Variants in LPIN2 observed in about 807,000 individuals in gnomAD.
The protein encoded by LPIN2 is phosphatidate phosphatase LPIN2.
Under a neutral mutation model 111.4 loss-of-function variants are expected in LPIN2, and 55 were observed. The ratio of observed to expected loss-of-function variants is 0.49; its 90% CI spans 0.40 to 0.62. The LOEUF is 0.62. Among genes scored for constraint, LPIN2 ranks in the 20% least tolerant of loss-of-function variants. The pLI is 0.00. For missense variants in LPIN2, 992 were observed against 1,112.1 expected (o/e 0.89, Z 1.54); for synonymous variants, 425 against 414.0 (o/e 1.03, Z -0.32).
At chr18:2,963,408 G>A (rs2077743512) in intron 1 of LPIN2, among the ~76,000 whole-genome samples, 1 of 150,500 alleles carries the variant, frequency 6.6e-6, no homozygotes, top group Non-Finnish European at 1.5e-5. Flanking sequence ...ACCTGTCCTG[G>A]TCAACACCTG....
chr18:2,956,059 AT>A (rs1411864128), intron 2 of LPIN2, among the ~76,000 whole-genome samples: 3 of 150,002 alleles, frequency 2.0e-5, no homozygotes, highest in Admixed American at 6.7e-5. Flanking sequence ...CTAAAGACAT[AT>A]TTGATATGTT....
At chr18:2,975,869 G>GT (rs1311619080) in intron 1 of LPIN2, among the ~76,000 whole-genome samples, 7 of 152,110 alleles carry the variant, frequency 4.6e-5, no homozygotes, top group Non-Finnish European at 1.0e-4. Flanking sequence ...TATTTTCAGG[G>GT]TTGACTATCA....
At chr18:2,955,385 T>TG (rs1173741023) in intron 2 of LPIN2, among the ~76,000 whole-genome samples, 1 of 143,162 alleles carries the variant, frequency 7.0e-6, no homozygotes, top group Non-Finnish European at 1.6e-5. Flanking sequence ...TGCAAGAGAC[T>TG]GGGGGTGCCA....
At chr18:2,928,241 T>A (rs2077164190) in intron 11 of LPIN2, among the ~76,000 whole-genome samples, 3 of 152,224 alleles carry the variant, frequency 2.0e-5, no homozygotes, top group African/African-American at 7.2e-5. Flanking sequence ...CTTGGCTACA[T>A]CACCTTCTTC....
chr18:2,928,916 A>T, intron 10 of LPIN2, 149 bp downstream of exon 10: 1 of 671,536 alleles, frequency 1.5e-6, no homozygotes, highest in Non-Finnish European at 2.6e-6. Context: ...TTGAAGCTTT[A>T]CTTTCACTTC....
chr18:2,928,636 A>C lies in LPIN2; in HGVS notation c.1575T>G (p.Ala525=). 6.2e-7 allele frequency: 1 copy of C among 1,614,012 alleles called. No homozygotes were observed. Among genetic ancestry groups the C allele is most frequent in the Non-Finnish European group, 8.5e-7 (1 of 1,179,958 alleles). The change falls in exon 11 of 20, where the codon GCT becomes GCG. Residue 525 remains alanine, a synonymous_variant. Coordinates refer to ENST00000677752, the MANE Select transcript of LPIN2 (RefSeq NM_001375808.2). The part of the protein sequence containing the change: ...YNRYYNWALA[A]PMILSLQVFQ... ...ATACTTGCAAGCTAAGGATCATGGG[A>C]GCTGCCAAAGCCCAGTTATAGTAAC...
At chr18:3,002,156 G>C (rs1052623865) in intron 1 of LPIN2, among the ~76,000 whole-genome samples, 2 of 150,878 alleles carry the variant, frequency 1.3e-5, no homozygotes. Context: ...CACTTACAGG[G>C]GGAAGGTCCA....
At chr18:3,003,957 T>A (rs2078472377) in intron 1 of LPIN2, among the ~76,000 whole-genome samples, 1 of 152,090 alleles carries the variant, frequency 6.6e-6, no homozygotes, top group African/African-American at 2.4e-5. Context: ...TGATACCGTG[T>A]GGAAGGAATG....
chr18:2,928,552 G>A (rs373503045), intron 11 of LPIN2, 39 bp downstream of exon 11: 52 of 1,593,558 alleles, frequency 3.3e-5, no homozygotes, highest in Non-Finnish European at 4.4e-5. Flanking sequence ...AGACACTGCG[G>A]ATGCTTTCGG....
chr18:2,930,008 G>C (rs966832920), intron 9 of LPIN2, among the ~76,000 whole-genome samples: 34 of 152,170 alleles, frequency 2.2e-4, no homozygotes, highest in Admixed American at 2.0e-3. Flanking sequence ...TTTGGCTCAA[G>C]GTCTGTGAAA....
At position 2,920,847 on chromosome 18, in the gene LPIN2, T is replaced by C; in HGVS notation, c.2477A>G (p.Asp826Gly). The C allele has an allele frequency of 1.2e-6, 2 of 1,614,166 alleles. No individual in the cohort carries two copies. The highest frequency in any genetic ancestry group is 1.7e-6 in the Non-Finnish European group (2 of 1,179,994). ...GGGGTTCACGGTGAATATTCTACAG[T>C]CTGGAACTCCAACTTGTGTGTAGGC... ...VYAYTQVGVP[D>G]CRIFTVNPKG... The change falls in exon 19 of 20, where the codon GAC (aspartate) becomes GGC (glycine). Residue 826 changes from aspartate to glycine, a missense_variant. Physicochemically the swap from Asp to Gly is moderately conservative, Grantham distance 94. Transcript: ENST00000677752.
chr18:2,990,733 G>A (rs1288141402), intron 1 of LPIN2: 3 of 331,766 alleles, frequency 9.0e-6, no homozygotes, highest in African/African-American at 2.1e-5. Context: ...GAGACAGAAT[G>A]TCAAAGATTA....
chr18:2,974,320 C>A (rs1352904723), intron 1 of LPIN2, among the ~76,000 whole-genome samples: 1 of 152,140 alleles, frequency 6.6e-6, no homozygotes, highest in Non-Finnish European at 1.5e-5. Context: ...CCTCGCGATC[C>A]GCCCGCCTCA....
Position 2,946,421 on chromosome 18 carries a change from C to G in LPIN2, c.590+4634G>C, listed in dbSNP as rs777995689. 1.8e-5 allele frequency: 26 copies of G among 1,450,232 alleles called. No homozygotes were observed. In the South Asian group the frequency reaches 2.7e-4, roughly 15 times the overall value. The allele number at this position is 1,450,232 out of a possible 1,614,324, so 89.8% of individuals were successfully genotyped here. A position where few individuals can be genotyped will look rare whatever the true frequency, so the allele number is the denominator to read the frequency against. Reference sequence around the variant, plus strand: ...TGTTCTTCTCTTACAGCAAGACCAACCCTTTAATGCATCGTGAAAGACTGG... The same window carrying G: ...TGTTCTTCTCTTACAGCAAGACCAAGCCTTTAATGCATCGTGAAAGACTGG... On this transcript the variant is annotated intron_variant, in intron 4 of 19. Transcript: ENST00000677752.
chr18:2,945,798 T>C, intron 4 of LPIN2: 1 of 1,355,130 alleles, frequency 7.4e-7, no homozygotes, highest in Non-Finnish European at 1.1e-6. Context: ...TGGAAGTGAA[T>C]TTTTAGCCTA....
At chr18:2,942,500 T>C (rs2077379676) in intron 4 of LPIN2, among the ~76,000 whole-genome samples, 1 of 152,234 alleles carries the variant, frequency 6.6e-6, no homozygotes, top group Admixed American at 6.5e-5. Flanking sequence ...ACAAATATTT[T>C]ACTTTTGGGA....
intron 1 of LPIN2, among the ~76,000 whole-genome samples, chr18:2,962,670 T>C (rs1476841099): frequency 6.6e-6 from 1 of 152,220 alleles, no homozygotes; most frequent in Non-Finnish European, 1.5e-5. Flanking sequence ...CTAGATCTCA[T>C]GCATCCTTTT....
chr18:2,955,847 G>A (rs1010867640), intron 2 of LPIN2, among the ~76,000 whole-genome samples: 8 of 151,962 alleles, frequency 5.3e-5, no homozygotes, highest in African/African-American at 1.7e-4. Context: ...CCCAGGAGGC[G>A]GAGGCTGCAG....
rs535509304 is a variant in LPIN2, at chr18:2,921,478, G to A, written c.2442+55C>T. 1.2e-5 allele frequency: 16 copies of A among 1,336,696 alleles called. No homozygotes were observed. In the East Asian group the frequency reaches 3.7e-4, roughly 31 times the overall value. The allele number at this position is 1,336,696 out of a possible 1,614,324, so 82.8% of individuals were successfully genotyped here. A position where few individuals can be genotyped will look rare whatever the true frequency, so the allele number is the denominator to read the frequency against. ...TTGGGACGTGGCTACACCCCACGAAGTACATCCCTCTGAATTTCACCCACA... is the reference window on the plus strand; with the variant it reads ...TTGGGACGTGGCTACACCCCACGAAATACATCCCTCTGAATTTCACCCACA... On this transcript the variant is annotated intron_variant, in intron 18 of 19. Transcript: ENST00000677752.
Sources: allele counts gnomAD v4.1 joint callset (sites outside exome capture counted in the v4.1 genomes callset), GRCh38; gene constraint gnomAD v4.1.1; transcripts MANE v1.5; gene names NCBI Gene and HGNC (gene_info 2026-07-23, HGNC 2026-07-21).